Variants in SGCE observed in about 807,000 individuals in gnomAD.
SGCE encodes the protein sarcoglycan epsilon, also known as epsilon-sarcoglycan.
In SGCE, 26 loss-of-function variants were observed where a neutral mutation model predicts 57.8. The observed-to-expected ratio is 0.45, with a 90% CI of 0.33 to 0.62. The LOEUF is 0.62. Ranked by LOEUF, SGCE falls within the 20% of genes least tolerant of loss-of-function variation. The pLI, the probability that SGCE is intolerant of heterozygous loss-of-function variation, is 0.02. For missense variants in SGCE, 468 were observed against 548.6 expected (o/e 0.85, Z 1.47); for synonymous variants, 183 against 189.5 (o/e 0.97, Z 0.28).
intron 5 of SGCE, among the ~76,000 whole-genome samples, chr7:94,614,244 T>C (rs941132610): frequency 9.2e-5 from 14 of 152,158 alleles, no homozygotes; most frequent in Non-Finnish European, 1.8e-4. Flanking sequence ...TGTGTTCATG[T>C]TCCTCTTGTT....
At chr7:94,638,183 G>A (rs571063916) in intron 1 of SGCE, among the ~76,000 whole-genome samples, 87 of 152,260 alleles carry the variant, frequency 5.7e-4, no homozygotes, top group African/African-American at 1.7e-3. Context: ...AAATTTTTGT[G>A]ATCTTTTCAT....
chr7:94,646,528 T>C (rs1425203434), intron 1 of SGCE, among the ~76,000 whole-genome samples: 1 of 152,232 alleles, frequency 6.6e-6, no homozygotes, highest in Admixed American at 6.5e-5. Flanking sequence ...TAAGCAACAG[T>C]TATATGCACC....
chr7:94,601,433 A>C (rs1799200825), intron 6 of SGCE, among the ~76,000 whole-genome samples: 1 of 126,070 alleles, frequency 7.9e-6, no homozygotes, highest in African/African-American at 3.1e-5. Context: ...ACTTAATTCT[A>C]TCCCAGTATC....
At chr7:94,614,852 G>A (rs1262253380) in intron 5 of SGCE, among the ~76,000 whole-genome samples, 1 of 151,884 alleles carries the variant, frequency 6.6e-6, no homozygotes, top group Admixed American at 6.6e-5. Context: ...AAAAAATACT[G>A]AATAAACATT....
chr7:94,651,262 T>C (rs1807833064), intron 1 of SGCE, among the ~76,000 whole-genome samples: 1 of 152,210 alleles, frequency 6.6e-6, no homozygotes, highest in African/African-American at 2.4e-5. Context: ...AAAAACCATG[T>C]TAACTCTAAA....
intron 5 of SGCE, among the ~76,000 whole-genome samples, chr7:94,605,237 G>A (rs1159451231): frequency 6.6e-6 from 1 of 151,962 alleles, no homozygotes; most frequent in Non-Finnish European, 1.5e-5. Flanking sequence ...AATATGCAGA[G>A]GGCTCTAATG....
chr7:94,586,829 C>T (rs1796974015), intron 10 of SGCE: 1 of 985,182 alleles, frequency 1.0e-6, no homozygotes, highest in Non-Finnish European at 1.2e-6. Flanking sequence ...GTACCAGAGG[C>T]ACAAACACAC....
chr7:94,643,509 A>G (rs1157530353), intron 1 of SGCE, among the ~76,000 whole-genome samples: 2 of 152,186 alleles, frequency 1.3e-5, no homozygotes, highest in African/African-American at 2.4e-5. Flanking sequence ...GATCCAGATG[A>G]AGTCCTACTT....
intron 1 of SGCE, chr7:94,641,017 AAAC>A (rs1277188656): frequency 6.6e-6 from 1 of 152,292 alleles, no homozygotes; most frequent in African/African-American, 2.4e-5. Context: ...AGCAAAAGCA[AAAC>A]AACATGTTAA....
rs541249301 is a variant in SGCE at position 94,598,223 on chromosome 7, C to A, written c.1253+552G>T. The A allele has an allele frequency of 3.6e-4, 59 of 162,320 alleles. 1 individual carries two copies. The South Asian group carries it at 5.7e-3, about 16-fold the overall frequency. 10.1% of individuals were successfully genotyped at this position (162,320 alleles called of 1,614,324 possible). A position where few individuals can be genotyped will look rare whatever the true frequency, so the allele number is the denominator to read the frequency against. ...TCTACTCCTTACAAAGTCCTTCTAGCCTTTCTAACCCTGATCCCTATAGCA... is the reference window on the plus strand; with the variant it reads ...TCTACTCCTTACAAAGTCCTTCTAGACTTTCTAACCCTGATCCCTATAGCA... On this transcript the variant is annotated intron_variant, in intron 9 of 10. Transcript: ENST00000648936.
At chr7:94,591,504 T>C (rs1482610638) in intron 9 of SGCE, among the ~76,000 whole-genome samples, 1 of 152,144 alleles carries the variant, frequency 6.6e-6, no homozygotes, top group Non-Finnish European at 1.5e-5. Context: ...AAAGAAAATA[T>C]AGAATGTAGG....
At chr7:94,633,273 C>T (rs1481830460) in intron 1 of SGCE, among the ~76,000 whole-genome samples, 2 of 151,928 alleles carry the variant, frequency 1.3e-5, no homozygotes, top group African/African-American at 2.4e-5. Context: ...AAAAGTCCAA[C>T]CCGCAAGAGG....
At chr7:94,647,776 G>C (rs186248678) in intron 1 of SGCE, among the ~76,000 whole-genome samples, 1 of 151,964 alleles carries the variant, frequency 6.6e-6, no homozygotes, top group Non-Finnish European at 1.5e-5. Context: ...CATATATACC[G>C]TCCCTCCTTA....
At chr7:94,630,122 G>T (rs941437840) in intron 1 of SGCE, among the ~76,000 whole-genome samples, 1 of 151,882 alleles carries the variant, frequency 6.6e-6, no homozygotes, top group Non-Finnish European at 1.5e-5. Flanking sequence ...ATCAAATAAT[G>T]AAGCTATCCA....
Position 94,623,375 on chromosome 7 carries a change from G to A in SGCE, c.413C>T (p.Thr138Ile), listed in dbSNP as rs777335847. Residue 138 changes from threonine (T) to isoleucine (I), a missense_variant, in exon 4 of 11, where the codon ACC (threonine) becomes ATC (isoleucine). Physicochemically the swap from Thr to Ile is moderately conservative, Grantham distance 89. Coordinates refer to ENST00000648936, the MANE Select transcript of SGCE (RefSeq NM_003919.3). ...IIEITAYNRRTFETARHNLII... is the reference protein window; with the variant it reads ...IIEITAYNRRIFETARHNLII... ...CAAATTATGCCTTGCAGTCTCAAAGGTGCGCCTGTTGTAGGCAGTTATCTA... is the reference window on the plus strand; with the variant it reads ...CAAATTATGCCTTGCAGTCTCAAAGATGCGCCTGTTGTAGGCAGTTATCTA... The A allele has an allele frequency of 6.2e-6, 10 of 1,605,680 alleles. No homozygotes were observed. The highest frequency in any genetic ancestry group is 2.2e-5 in the East Asian group (1 of 44,682).
At chr7:94,646,571 T>A (rs1322846120) in intron 1 of SGCE, among the ~76,000 whole-genome samples, 3 of 152,214 alleles carry the variant, frequency 2.0e-5, no homozygotes, top group African/African-American at 7.2e-5. Flanking sequence ...TGCACAATGT[T>A]GGACTATTGT....
At chr7:94,618,710 C>A in intron 5 of SGCE, 48 bp downstream of exon 5, 2 of 1,482,988 alleles carry the variant, frequency 1.3e-6, no homozygotes, top group East Asian at 2.3e-5. Context: ...ATAAGATCAC[C>A]GTATTTAAAA....
At chr7:94,587,364 G>GT (rs1490196607) in intron 10 of SGCE, 1 of 1,044,044 alleles carries the variant, frequency 9.6e-7, no homozygotes, top group Non-Finnish European at 1.2e-6. Context: ...AATATTTACT[G>GT]TTTTTCTAGA....
At chr7:94,598,737 A>G (rs776258579) in intron 9 of SGCE, 38 bp downstream of exon 9, 1 of 1,310,710 alleles carries the variant, frequency 7.6e-7, no homozygotes, top group South Asian at 1.2e-5. Context: ...AAAAATATAC[A>G]TGCATATTAA....
Sources: gnomAD v4.1 joint callset for allele counts (sites outside exome capture counted in the v4.1 genomes callset) on GRCh38, gnomAD v4.1.1 for gene constraint, MANE v1.5 for transcripts, NCBI Gene and HGNC (gene_info 2026-07-23, HGNC 2026-07-21) for gene names.